The following PLPPR5 variants were observed in gnomAD, a reference collection of about 807,000 sequenced individuals.
The protein encoded by PLPPR5 is phospholipid phosphatase related 5.
Under a neutral mutation model 33.9 loss-of-function variants are expected in PLPPR5, and 16 were observed. The observed-to-expected ratio is 0.47, with a 90% confidence interval of 0.32 to 0.72. The LOEUF (loss-of-function observed/expected upper bound fraction) is 0.72. Ranked by LOEUF, PLPPR5 falls within the 30% of genes least tolerant of loss-of-function variation. The pLI is 0.03. For synonymous variants in PLPPR5, 163 were observed against 150.3 expected (o/e 1.08, Z -0.62); for missense variants, 301 against 406.7 (o/e 0.74, Z 2.23).
In PLPPR5 at chr1:98,893,008, G is replaced by T. The variant is rs1648331625; in HGVS notation, c.*64C>A. The T allele has an allele frequency of 2.0e-5, 29 of 1,472,152 alleles. No homozygotes were observed. Among genetic ancestry groups the T allele is most frequent in the Non-Finnish European group, 2.6e-5 (28 of 1,062,400 alleles). The allele number at this position is 1,472,152 out of a possible 1,614,324, so 91.2% of individuals were successfully genotyped here. ...TCACTTGCAATCAAACAAACTTTGGGTGTTATGAATGGATGGTAAAAAGGG... is the reference window on the plus strand; with the variant it reads ...TCACTTGCAATCAAACAAACTTTGGTTGTTATGAATGGATGGTAAAAAGGG... On this transcript the variant is annotated 3_prime_UTR_variant, in exon 6 of 6. Transcript: ENST00000263177.
chr1:98,987,103 T>G (rs898564623), intron 1 of PLPPR5, among the ~76,000 whole-genome samples: 12 of 151,864 alleles, frequency 7.9e-5, no homozygotes, highest in African/African-American at 2.9e-4. Context: ...TATGTAATAT[T>G]GTTTTGATCA....
chr1:98,893,508 AT>A (rs1648358721), intron 5 of PLPPR5, among the ~76,000 whole-genome samples: 1 of 151,478 alleles, frequency 6.6e-6, no homozygotes, highest in South Asian at 2.1e-4. Flanking sequence ...CTAAAATGGC[AT>A]TTGCTAGTTG....
At chr1:98,910,943 G>A (rs185019124) in intron 5 of PLPPR5, among the ~76,000 whole-genome samples, 1 of 149,532 alleles carries the variant, frequency 6.7e-6, no homozygotes, top group African/African-American at 2.5e-5. Flanking sequence ...TGAATGAAAC[G>A]ATGTAATTCA....
chr1:99,004,972 G>A (rs1570774250), upstream of PLPPR5: 1 of 159,016 alleles, frequency 6.3e-6, no homozygotes, highest in Non-Finnish European at 1.4e-5. Flanking sequence ...GGGGAGTCCC[G>A]GGCGACGGGC....
intron 4 of PLPPR5, 80 bp downstream of exon 4, chr1:98,921,802 T>C (rs1175382388): frequency 8.7e-7 from 1 of 1,145,812 alleles, no homozygotes; most frequent in Admixed American, 2.2e-5. Flanking sequence ...ACAAACCCAG[T>C]GATTCACACT....
chr1:98,917,930 C>A (rs1649417972), intron 4 of PLPPR5, among the ~76,000 whole-genome samples: 1 of 152,182 alleles, frequency 6.6e-6, no homozygotes, highest in Admixed American at 6.5e-5. Flanking sequence ...CAGAAATTCT[C>A]AAATTTTCTG....
chr1:98,928,677 G>A (rs976365511), intron 3 of PLPPR5, among the ~76,000 whole-genome samples: 4 of 150,214 alleles, frequency 2.7e-5, no homozygotes, highest in African/African-American at 4.9e-5. Flanking sequence ...GATTATACCC[G>A]CTTCAGCAGT....
chr1:98,934,061 A>G (rs967681847), intron 3 of PLPPR5, among the ~76,000 whole-genome samples: 2 of 152,204 alleles, frequency 1.3e-5, no homozygotes. Context: ...CTAGGCTCTC[A>G]TTGGCAGCAT....
Position 98,893,102 on chromosome 1 carries a change from G to A in PLPPR5, c.936C>T (p.Asn312=). 6.2e-7 allele frequency: 1 copy of A among 1,610,836 alleles called. No individual in the cohort carries two copies. The change falls in exon 6 of 6, where the codon AAC becomes AAT. Residue 312 remains asparagine, a splice_region_variant and synonymous_variant. Transcript: ENST00000263177. The stretch of plus-strand genomic sequence containing the variant: ...TGACTTCTGCGAAGGCAGTGATGTG[G>A]TTCTGCAAAAAGAAAAAGGAATGAC... ...SPLEKVTSVQ[N]HITAFAEVT
chr1:98,961,343 C>G (rs372345881), intron 1 of PLPPR5, among the ~76,000 whole-genome samples: 84 of 152,274 alleles, frequency 5.5e-4, no homozygotes, highest in African/African-American at 1.8e-3. Context: ...CCAACTAGAA[C>G]GCATTTGGAG....
chr1:98,950,157 G>A (rs309080), intron 3 of PLPPR5, among the ~76,000 whole-genome samples: 84,060 of 151,914 alleles, frequency 0.55, 23,942 homozygotes, highest in East Asian at 0.72. Flanking sequence ...TGGTTCTATG[G>A]ATCTGAGAAA....
intron 5 of PLPPR5, among the ~76,000 whole-genome samples, chr1:98,898,160 T>C (rs183625104): frequency 6.6e-6 from 1 of 152,272 alleles, no homozygotes; most frequent in African/African-American, 2.4e-5. Context: ...TGAGGCAATT[T>C]ATACTCCATG....
At chr1:98,956,521 A>G (rs1651005681) in intron 2 of PLPPR5, 88 bp downstream of exon 2, 3 of 1,296,622 alleles carry the variant, frequency 2.3e-6, no homozygotes, top group South Asian at 3.3e-5. Context: ...TAATATTTGC[A>G]AACAGTTAAC....
At chr1:98,923,669 G>A (rs1649652765) in intron 3 of PLPPR5, among the ~76,000 whole-genome samples, 1 of 152,162 alleles carries the variant, frequency 6.6e-6, no homozygotes, top group Non-Finnish European at 1.5e-5. Flanking sequence ...TCTGGGGCAG[G>A]GGGAGCTGAA....
chr1:98,895,903 C>G (rs1020064998), intron 5 of PLPPR5, among the ~76,000 whole-genome samples: 3 of 151,910 alleles, frequency 2.0e-5, no homozygotes, highest in African/African-American at 4.8e-5. Flanking sequence ...GAAATTTAAT[C>G]ATAGTACATG....
At chr1:98,953,395 G>A (rs1340270884) in intron 2 of PLPPR5, 75 bp from the exon 3 acceptor site, 1 of 1,502,968 alleles carries the variant, frequency 6.7e-7, no homozygotes, top group Non-Finnish European at 9.0e-7. Flanking sequence ...GTGTGTGTGT[G>A]AATTTCAGTT....
intron 3 of PLPPR5, among the ~76,000 whole-genome samples, chr1:98,929,578 T>C (rs765807415): frequency 1.3e-4 from 20 of 152,184 alleles, no homozygotes; most frequent in Non-Finnish European, 2.8e-4. Context: ...GACCAGCTGG[T>C]ACATGAAGTT....
chr1:98,936,688 G>T (rs1225180103), intron 3 of PLPPR5, among the ~76,000 whole-genome samples: 1 of 152,194 alleles, frequency 6.6e-6, no homozygotes, highest in Non-Finnish European at 1.5e-5. Flanking sequence ...TAACAGAATT[G>T]CCAGAGAAAA....
At chr1:99,002,472 T>C (rs72646197) in intron 1 of PLPPR5, among the ~76,000 whole-genome samples, 11,499 of 152,262 alleles carry the variant, frequency 0.076, 539 homozygotes, top group East Asian at 0.25. Flanking sequence ...CCTTTTTTTT[T>C]GTTTTCAGAT....
Sources: allele counts gnomAD v4.1 joint callset (sites outside exome capture counted in the v4.1 genomes callset), GRCh38; gene constraint gnomAD v4.1.1; transcripts MANE v1.5; gene names NCBI Gene and HGNC (gene_info 2026-07-23, HGNC 2026-07-21).